CALR3: variants seen among roughly 807,000 people sequenced by gnomAD.
CALR3 encodes calreticulin-3.
Under a neutral mutation model 48.7 loss-of-function variants are expected in CALR3, and 39 were observed. The observed-to-expected ratio is 0.80, with a 90% CI of 0.62 to 1.05. CALR3 has a LOEUF of 1.05. CALR3 is among the 50% of genes least tolerant of loss of function. CALR3 has a pLI of 0.00. For synonymous variants in CALR3, 185 were observed against 172.7 expected (o/e 1.07, Z -0.56); for missense variants, 449 against 474.7 (o/e 0.95, Z 0.50).
intron 2 of CALR3, among the ~76,000 whole-genome samples, chr19:16,494,706 C>T (rs1245133943): frequency 6.6e-6 from 1 of 152,196 alleles, no homozygotes; most frequent in East Asian, 1.9e-4. Context: ...AAAGTACCCA[C>T]TAACCTTTTC....
chr19:16,484,712 T>G (rs2093386533), intron 4 of CALR3, among the ~76,000 whole-genome samples: 1 of 151,936 alleles, frequency 6.6e-6, no homozygotes, highest in African/African-American at 2.4e-5. Flanking sequence ...ATGACAAGAT[T>G]TCGCCATGTT....
chr19:16,492,912 C>T (rs1053584854), intron 2 of CALR3, among the ~76,000 whole-genome samples: 5 of 151,026 alleles, frequency 3.3e-5, no homozygotes, highest in Admixed American at 1.3e-4. Context: ...TGCCTGTAAT[C>T]TTAGCTACTT....
intron 7 of CALR3, 134 bp from the exon 8 acceptor site, chr19:16,480,840 A>C: frequency 1.4e-6 from 1 of 726,586 alleles, no homozygotes; most frequent in Admixed American, 2.2e-5. Flanking sequence ...GGGTCTTGCT[A>C]TGTTGCCTAG....
rs200449193 is a variant in CALR3, at chr19:16,490,496, T to G, written c.268A>C (p.Thr90Pro). The stretch of plus-strand genomic sequence containing the variant: ...TTTACTGTGTACTGAATAACCAGAG[T>G]TTTCCCTTTATTGCTGAACGGTTTG... ...RFKPFSNKGK[T>P]LVIQYTVKHE... Residue 90 changes from threonine to proline, a missense_variant, in exon 3 of 9, where the codon ACT becomes CCT. Coordinates refer to ENST00000269881, the MANE Select transcript of CALR3 (RefSeq NM_145046.5). The G allele has an allele frequency of 1.2e-6, 2 of 1,614,044 alleles. No homozygotes were observed. Among genetic ancestry groups the G allele is most frequent in the Admixed American group, 1.7e-5 (1 of 59,990 alleles).
intron 3 of CALR3, among the ~76,000 whole-genome samples, chr19:16,487,005 T>C (rs2093390081): frequency 6.6e-6 from 1 of 152,004 alleles, no homozygotes; most frequent in Admixed American, 6.6e-5. Context: ...GGGGTCTTTA[T>C]TTATTTATTT....
intron 5 of CALR3, chr19:16,483,705 C>T (rs762646241): frequency 2.1e-5 from 11 of 514,142 alleles, no homozygotes; most frequent in South Asian, 1.1e-4. Flanking sequence ...GCAAGAAGAA[C>T]GAAACTCTGT....
chr19:16,483,852 T>C (rs2093384608), intron 5 of CALR3, 78 bp downstream of exon 5: 10 of 1,461,548 alleles, frequency 6.8e-6, no homozygotes, highest in Non-Finnish European at 9.4e-6. Flanking sequence ...CTACCAGCCA[T>C]GCAGCAATTG....
intron 3 of CALR3, among the ~76,000 whole-genome samples, chr19:16,488,619 G>A (rs2093392859): frequency 6.6e-6 from 1 of 151,996 alleles, no homozygotes; most frequent in South Asian, 2.1e-4. Context: ...TGTTAGCCAG[G>A]CTGGTCTTGA....
At chr19:16,493,734 AT>A (rs945850448) in intron 2 of CALR3, among the ~76,000 whole-genome samples, 1 of 135,300 alleles carries the variant, frequency 7.4e-6, no homozygotes, top group Admixed American at 8.4e-5. Context: ...ATATATATAT[AT>A]TTTTTTTCTT....
intron 3 of CALR3, 118 bp downstream of exon 3, chr19:16,490,249 C>A: frequency 1.2e-6 from 1 of 845,862 alleles, no homozygotes; most frequent in Non-Finnish European, 2.0e-6. Flanking sequence ...ACCTTGGATC[C>A]GATATACTCA....
Position 16,495,851 on chromosome 19 carries a change from C to T in CALR3, c.93G>A (p.Glu31=), listed in dbSNP as rs1463413854. 3 of 1,613,494 alleles carry T rather than the reference C, an allele frequency of 1.9e-6. No homozygotes were observed. Among genetic ancestry groups the T allele is most frequent in the Non-Finnish European group, 2.5e-6 (3 of 1,179,544 alleles). ...VYFQEEFLDG[E]HWRNRWLQST... ...ACTGCAACCATCGGTTTCTCCAATG[C>T]TCTGTGGGGAAGGGGAAATAACACC... The change falls in exon 2 of 9, where the codon GAG becomes GAA. Residue 31 remains glutamate, a splice_region_variant and synonymous_variant. Transcript: ENST00000269881.
intron 3 of CALR3, among the ~76,000 whole-genome samples, chr19:16,486,469 A>G (rs538436398): frequency 6.6e-6 from 1 of 151,878 alleles, no homozygotes; most frequent in Non-Finnish European, 1.5e-5. Flanking sequence ...AAAATACAAA[A>G]ATTAGCCAGC....
chr19:16,479,794 C>A (rs2093377687), intron 8 of CALR3, among the ~76,000 whole-genome samples: 1 of 151,720 alleles, frequency 6.6e-6, no homozygotes, highest in African/African-American at 2.4e-5. Flanking sequence ...AAAAAAGCCC[C>A]AGAGGCCAGG....
chr19:16,491,182 G>A (rs1455974522), intron 2 of CALR3, among the ~76,000 whole-genome samples: 3 of 151,810 alleles, frequency 2.0e-5, no homozygotes, highest in Admixed American at 1.3e-4. Flanking sequence ...GAGTGCAGTG[G>A]CACGATCTCT....
At chr19:16,493,731 TATA>T (rs201211258) in intron 2 of CALR3, among the ~76,000 whole-genome samples, 3,070 of 151,528 alleles carry the variant, frequency 0.02, 102 homozygotes, top group Admixed American at 0.081. Flanking sequence ...TGTATATATA[TATA>T]TTTTTTTTCT....
intron 2 of CALR3, among the ~76,000 whole-genome samples, chr19:16,492,849 G>A (rs1377873717): frequency 2.2e-5 from 3 of 135,610 alleles, no homozygotes; most frequent in East Asian, 2.2e-4. Context: ...GCTACAGAGC[G>A]AGACTCCGTC....
chr19:16,486,092 G>A (rs1171454472), intron 3 of CALR3, among the ~76,000 whole-genome samples: 2 of 152,042 alleles, frequency 1.3e-5, no homozygotes, highest in African/African-American at 2.4e-5. Flanking sequence ...GCCAAGGTGG[G>A]GAGATGACTT....
Position 16,481,439 on chromosome 19 carries a change from CT to C in CALR3, c.919-734del, listed in dbSNP as rs914072766. Among the ~76,000 whole-genome samples, 1,172 of 128,448 alleles carry C rather than the reference CT, an allele frequency of 9.1e-3. 13 individuals carry two copies. The highest frequency in any genetic ancestry group is 0.028 in the African/African-American group (966 of 34,758). 84.3% of individuals were successfully genotyped at this position (128,448 alleles called of 152,430 possible). On this transcript the variant is annotated intron_variant, in intron 7 of 8. Transcript: ENST00000269881. ...TGGCTGCACATCGGGATCACCAAAACTTTTTTTTTTTTTGAGACTTAGTCTC... is the reference window on the plus strand; with the variant it reads ...TGGCTGCACATCGGGATCACCAAAACTTTTTTTTTTTTGAGACTTAGTCTC...
At position 16,491,736 on chromosome 19, in the gene CALR3, C is replaced by T. The variant is rs1180480751; in HGVS notation, c.194-1166G>A. On this transcript the variant is annotated intron_variant, in intron 2 of 8. Transcript: ENST00000269881. ...AGGTTGCAGTGAGCCGAGATTGCAC[C>T]GCTGCACTCCAGCCTGGGTGACAGA... Among the ~76,000 whole-genome samples the T allele has an allele frequency of 6.6e-5, 10 of 151,114 alleles. No homozygotes were observed. The South Asian group carries it at 1.3e-3, about 19-fold the overall frequency.
Sources: allele counts gnomAD v4.1 joint callset (sites outside exome capture counted in the v4.1 genomes callset), GRCh38; gene constraint gnomAD v4.1.1; transcripts MANE v1.5; gene names NCBI Gene and HGNC (gene_info 2026-07-23, HGNC 2026-07-21).